The following PCM1 variants were observed in gnomAD, a reference collection of about 807,000 sequenced individuals.
PCM1 encodes pericentriolar material 1 protein.
A neutral mutation model predicts 241.9 loss-of-function variants in PCM1; 157 were observed. The ratio of observed to expected loss-of-function variants is 0.65; its 90% CI spans 0.57 to 0.74. PCM1 has a LOEUF of 0.74. Ranked by LOEUF, PCM1 falls within the 30% of genes least tolerant of loss-of-function variation. The probability of loss-of-function intolerance (pLI) is 0.00; values close to 1 mark genes in which losing one functional copy is unlikely to be tolerated. For synonymous variants in PCM1, 1,085 were observed against 784.9 expected (o/e 1.38, Z -6.39); for missense variants, 3,478 against 2,360.1 (o/e 1.47, Z -9.81).
intron 10 of PCM1, 53 bp from the exon 11 acceptor site, chr8:17,956,551 A>G (rs1014427453): frequency 1.8e-6 from 2 of 1,094,560 alleles, no homozygotes; most frequent in African/African-American, 1.6e-5. Context: ...TAATGTCTGT[A>G]TTATTTTGCT....
chr8:17,976,830 C>T (rs1466581441), intron 23 of PCM1, among the ~76,000 whole-genome samples: 1 of 151,842 alleles, frequency 6.6e-6, no homozygotes, highest in Non-Finnish European at 1.5e-5. Flanking sequence ...GAAATCTAGC[C>T]TTTGATGTTT....
intron 6 of PCM1, 38 bp downstream of exon 6, chr8:17,939,899 T>C: frequency 7.7e-7 from 1 of 1,298,386 alleles, no homozygotes; most frequent in African/African-American, 1.5e-5. Context: ...ATTATTTTTG[T>C]AGTATCTCAG....
At chr8:17,977,170 A>C (rs1014629108) in intron 23 of PCM1, among the ~76,000 whole-genome samples, 11 of 152,218 alleles carry the variant, frequency 7.2e-5, no homozygotes, top group Non-Finnish European at 2.9e-5. Flanking sequence ...TAAATGAGCA[A>C]TAGTACTACC....
At chr8:17,971,906 G>T (rs208046) in intron 22 of PCM1, among the ~76,000 whole-genome samples, 1 of 152,074 alleles carries the variant, frequency 6.6e-6, no homozygotes, top group Admixed American at 6.6e-5. Context: ...ACTGTGCCTG[G>T]CTCATTTTTA....
chr8:17,995,803 T>G (rs1217796630), intron 29 of PCM1, among the ~76,000 whole-genome samples: 1 of 152,134 alleles, frequency 6.6e-6, no homozygotes, highest in Non-Finnish European at 1.5e-5. Flanking sequence ...CTTAGGTATT[T>G]AATTTTATTT....
chr8:17,935,003 C>G (rs1003647222), intron 2 of PCM1: 3 of 152,224 alleles, frequency 2.0e-5, no homozygotes, highest in Non-Finnish European at 4.4e-5. Flanking sequence ...CATCACTATT[C>G]TTAAAATGTC....
At chr8:17,956,216 C>G (rs1281020632) in intron 10 of PCM1, among the ~76,000 whole-genome samples, 2 of 152,194 alleles carry the variant, frequency 1.3e-5, no homozygotes, top group East Asian at 3.8e-4. Flanking sequence ...TCCATACATG[C>G]TCAGTAATGT....
At chr8:17,987,416 C>T (rs568569817) in intron 26 of PCM1, among the ~76,000 whole-genome samples, 11 of 151,832 alleles carry the variant, frequency 7.2e-5, no homozygotes, top group African/African-American at 2.7e-4. Flanking sequence ...ATACAGGCAG[C>T]ATTACTTCCA....
At chr8:17,995,331 T>A (rs2086296972) in intron 29 of PCM1, among the ~76,000 whole-genome samples, 1 of 151,098 alleles carries the variant, frequency 6.6e-6, no homozygotes, top group East Asian at 1.9e-4. Flanking sequence ...TGAAAATGAG[T>A]TTATTGTAGG....
chr8:17,932,670 C>G (rs1158998810), intron 2 of PCM1, among the ~76,000 whole-genome samples: 1 of 151,756 alleles, frequency 6.6e-6, no homozygotes, highest in Non-Finnish European at 1.5e-5. Context: ...TCTCAGCACA[C>G]TTAGGAATTT....
At position 17,923,452 on chromosome 8, in the gene PCM1, C is replaced by T. The variant is rs996357142; in HGVS notation, c.-91+264C>T. 2.0e-4 allele frequency among the ~76,000 whole-genome samples: 31 copies of T among 152,330 alleles called. No homozygotes were observed. In the South Asian group the frequency reaches 2.3e-3, roughly 11 times the overall value. ...CAGGACTCCCTTCTTGCCTCCTCGC[C>T]CCTCCTGCTGGCCCTGTCGGGGAGG... On this transcript the variant is annotated intron_variant, in intron 1 of 38. Coordinates refer to ENST00000325083, the MANE Select transcript of PCM1 (RefSeq NM_006197.4).
chr8:18,008,236 A>C (rs1055251492), intron 30 of PCM1, among the ~76,000 whole-genome samples: 1 of 152,140 alleles, frequency 6.6e-6, no homozygotes, highest in Non-Finnish European at 1.5e-5. Context: ...CAGCAGCAGC[A>C]TTAGATTCTC....
In PCM1 at chr8:18,016,286, A is replaced by AGGAT. The variant is rs150555183; in HGVS notation, c.5841+1446_5841+1447insGGAT. ...CAGCCTCAGGTAGGTGAGGTTTAGA[A>AGGAT]AGATAGGGTATTATGGGTTCATTAA... On this transcript the variant is annotated intron_variant, in intron 36 of 38. Transcript: ENST00000325083. 9.2e-5 allele frequency among the ~76,000 whole-genome samples: 14 copies of AGGAT among 151,702 alleles called. No individual in the cohort carries two copies. The East Asian group carries it at 2.7e-3, about 29-fold the overall frequency.
chr8:17,923,967 C>T (rs191856134), intron 1 of PCM1, among the ~76,000 whole-genome samples: 13 of 151,788 alleles, frequency 8.6e-5, no homozygotes, highest in Admixed American at 7.9e-4. Flanking sequence ...CAGCCTACTC[C>T]CCAGGAACTC....
intron 30 of PCM1, 34 bp from the exon 31 acceptor site, chr8:18,009,513 G>C: frequency 2.9e-6 from 4 of 1,383,030 alleles, no homozygotes; most frequent in Non-Finnish European, 4.0e-6. Flanking sequence ...GAAGTTTACT[G>C]TCTTTAAAAA....
chr8:17,957,043 T>A (rs866810550), intron 11 of PCM1, among the ~76,000 whole-genome samples: 3 of 152,334 alleles, frequency 2.0e-5, no homozygotes, highest in South Asian at 2.1e-4. Flanking sequence ...GCTGTCTTTT[T>A]CTTTTTAGGC....
rs2085475756 is a variant in PCM1 at position 17,993,403 on chromosome 8, T to A, written c.4691-80T>A. Reference sequence around the variant, plus strand: ...AGCATAAAATCATCAAATTTAATATTTTTCAAATTTCAACATAAAGGCATA... The same window carrying A: ...AGCATAAAATCATCAAATTTAATATATTTCAAATTTCAACATAAAGGCATA... On this transcript the variant is annotated intron_variant, in intron 28 of 38. Coordinates refer to ENST00000325083, the MANE Select transcript of PCM1 (RefSeq NM_006197.4). 3.2e-6 allele frequency: 3 copies of A among 943,472 alleles called. No individual in the cohort carries two copies. In the Admixed American group the frequency reaches 1.1e-4, roughly 34 times the overall value. 58.4% of individuals were successfully genotyped at this position (943,472 alleles called of 1,614,324 possible).
intron 31 of PCM1, among the ~76,000 whole-genome samples, chr8:18,009,948 G>A (rs994031191): frequency 3.3e-5 from 5 of 152,200 alleles, no homozygotes; most frequent in East Asian, 1.9e-4. Context: ...AGGAATGCGG[G>A]CAGGAATTGA....
Position 17,957,274 on chromosome 8 carries a change from G to A in PCM1, c.1657G>A (p.Val553Ile). ...TTTTCTTTCTTCTAGAAATCCACAAGTAGCTTCCACTTGGAATGAAGTAAA... is the reference window on the plus strand; with the variant it reads ...TTTTCTTTCTTCTAGAAATCCACAAATAGCTTCCACTTGGAATGAAGTAAA... ...EPVTNIRNPQVASTWNEVNSH... is the reference protein window; with the variant it reads ...EPVTNIRNPQIASTWNEVNSH... Residue 553 changes from valine to isoleucine, a missense_variant, in exon 12 of 39, where the codon GTA (valine) becomes ATA (isoleucine). Transcript: ENST00000325083. 6.3e-7 allele frequency: 1 copy of A among 1,586,744 alleles called. No individual in the cohort carries two copies. The highest frequency in any genetic ancestry group is 1.2e-5 in the South Asian group (1 of 86,370).
Sources: gnomAD v4.1 joint callset for allele counts (sites outside exome capture counted in the v4.1 genomes callset) on GRCh38, gnomAD v4.1.1 for gene constraint, MANE v1.5 for transcripts, NCBI Gene and HGNC (gene_info 2026-07-23, HGNC 2026-07-21) for gene names.